Variants in CPNE8 observed in about 807,000 individuals in gnomAD.
CPNE8 encodes the protein copine 8.
CPNE8 carries 45 observed loss-of-function variants against 81.5 expected under a neutral mutation model. The observed-to-expected ratio is 0.55, with a 90% confidence interval of 0.44 to 0.71. The LOEUF is 0.71. Ranked by LOEUF, CPNE8 falls within the 30% of genes least tolerant of loss-of-function variation. CPNE8 has a pLI of 0.00. For missense variants in CPNE8, 594 were observed against 672.1 expected (o/e 0.88, Z 1.28); for synonymous variants, 252 against 226.3 (o/e 1.11, Z -1.02).
At chr12:38,730,072 T>C (rs1940796132) in intron 11 of CPNE8, among the ~76,000 whole-genome samples, 1 of 151,974 alleles carries the variant, frequency 6.6e-6, no homozygotes, top group South Asian at 2.1e-4. Flanking sequence ...AAATGCTTTA[T>C]ACACAAGAAT....
At position 38,687,369 on chromosome 12, in the gene CPNE8, ACTTT is replaced by A. The variant is rs201402238; in HGVS notation, c.1144-1756_1144-1753del. The stretch of plus-strand genomic sequence containing the variant: ...TGCTACCAAATTACGAAATGCCAAG[ACTTT>A]CTTTTTTTTTTTTTTTTTTTTTTTG... On this transcript the variant is annotated intron_variant, in intron 15 of 19. Transcript: ENST00000331366. 1.1e-4 allele frequency among the ~76,000 whole-genome samples: 13 copies of A among 117,692 alleles called. 2 individuals carry two copies. The highest frequency in any genetic ancestry group is 4.0e-4 in the East Asian group (1 of 2,522). 77.2% of individuals were successfully genotyped at this position (117,692 alleles called of 152,430 possible).
chr12:38,837,358 A>C (rs1029091971), intron 5 of CPNE8, among the ~76,000 whole-genome samples: 1 of 152,122 alleles, frequency 6.6e-6, no homozygotes, highest in Non-Finnish European at 1.5e-5. Context: ...AAAAATCATA[A>C]ATTTTAGATC....
At chr12:38,725,214 T>C (rs1467072615) in intron 11 of CPNE8, among the ~76,000 whole-genome samples, 2 of 152,336 alleles carry the variant, frequency 1.3e-5, no homozygotes, top group South Asian at 2.1e-4. Context: ...GATTGCTTTA[T>C]AGAAAAATGA....
rs560075825 is a variant in CPNE8 at position 38,658,027 on chromosome 12, C to G, written c.1507-3957G>C. Reference sequence around the variant, plus strand: ...TCACAGCTCCTTGCCAGTAATGGAACAAAGATGGATGGAGAATGAGTTTGA... The same window carrying G: ...TCACAGCTCCTTGCCAGTAATGGAAGAAAGATGGATGGAGAATGAGTTTGA... On this transcript the variant is annotated intron_variant, in intron 19 of 19. Transcript: ENST00000331366. 1.3e-4 allele frequency among the ~76,000 whole-genome samples: 20 copies of G among 152,160 alleles called. 1 individual carries two copies. In the South Asian group the frequency reaches 3.7e-3, roughly 28 times the overall value.
Position 38,698,207 on chromosome 12 carries a change from C to A in CPNE8, c.962-4369G>T, listed in dbSNP as rs113244917. Among the ~76,000 whole-genome samples the A allele has an allele frequency of 1.7e-3, 261 of 152,286 alleles. 1 individual carries two copies. Among genetic ancestry groups the A allele is most frequent in the African/African-American group, 6.0e-3 (249 of 41,566 alleles). On this transcript the variant is annotated intron_variant, in intron 14 of 19. Coordinates refer to ENST00000331366, the MANE Select transcript of CPNE8 (RefSeq NM_153634.3). Reference sequence around the variant, plus strand: ...GTTTATAGGCCACTTGTATATCCTTCTTTGGAGAAATATCTATTTAGATCC... The same window carrying A: ...GTTTATAGGCCACTTGTATATCCTTATTTGGAGAAATATCTATTTAGATCC...
intron 6 of CPNE8, among the ~76,000 whole-genome samples, chr12:38,780,416 C>G (rs1942025898): frequency 6.6e-6 from 1 of 152,010 alleles, no homozygotes; most frequent in Non-Finnish European, 1.5e-5. Context: ...ATAAATAGAG[C>G]AGATGCAATG....
At chr12:38,751,213 T>G (rs1387124826) in intron 10 of CPNE8, among the ~76,000 whole-genome samples, 1 of 152,212 alleles carries the variant, frequency 6.6e-6, no homozygotes, top group Admixed American at 6.5e-5. Flanking sequence ...CTTGGGTATG[T>G]CTTTATTAGC....
chr12:38,749,380 C>T (rs1465513802), intron 10 of CPNE8, among the ~76,000 whole-genome samples: 1 of 150,756 alleles, frequency 6.6e-6, no homozygotes, highest in African/African-American at 2.5e-5. Flanking sequence ...TAAATTGGTA[C>T]CAGTAGAGTG....
At chr12:38,792,248 A>C (rs1034484233) in intron 6 of CPNE8, among the ~76,000 whole-genome samples, 1 of 151,366 alleles carries the variant, frequency 6.6e-6, no homozygotes, top group African/African-American at 2.4e-5. Context: ...GCACACATAA[A>C]TAAAATAGAG....
chr12:38,808,851 G>A (rs1049718665), intron 6 of CPNE8, among the ~76,000 whole-genome samples: 14 of 151,970 alleles, frequency 9.2e-5, no homozygotes, highest in African/African-American at 3.4e-4. Context: ...AATGGGCAAA[G>A]TTATAAACAA....
At chr12:38,659,995 C>T (rs1230158961) in intron 19 of CPNE8, among the ~76,000 whole-genome samples, 4 of 152,304 alleles carry the variant, frequency 2.6e-5, no homozygotes, top group Non-Finnish European at 4.4e-5. Flanking sequence ...ACATTCCATG[C>T]TCATGGTTAG....
At chr12:38,799,415 T>C (rs1193569817) in intron 6 of CPNE8, among the ~76,000 whole-genome samples, 1 of 151,882 alleles carries the variant, frequency 6.6e-6, no homozygotes, top group East Asian at 1.9e-4. Flanking sequence ...CTCAACTACA[T>C]GGAAACTGAA....
At chr12:38,673,587 T>A (rs1939226502) in intron 18 of CPNE8, among the ~76,000 whole-genome samples, 1 of 152,134 alleles carries the variant, frequency 6.6e-6, no homozygotes, top group South Asian at 2.1e-4. Flanking sequence ...ACTTTTCTAG[T>A]ACTGGGCCCA....
At chr12:38,741,457 G>C (rs1172552553) in intron 10 of CPNE8, among the ~76,000 whole-genome samples, 1 of 152,158 alleles carries the variant, frequency 6.6e-6, no homozygotes, top group South Asian at 2.1e-4. Context: ...AATAAATGTT[G>C]CTGGGAAACT....
At chr12:38,675,241 T>C (rs1436799786) in intron 18 of CPNE8, among the ~76,000 whole-genome samples, 4 of 152,206 alleles carry the variant, frequency 2.6e-5, no homozygotes, top group Non-Finnish European at 5.9e-5. Flanking sequence ...CTAATGTCTA[T>C]CAACTAGCTA....
rs532600019 is a variant in CPNE8 at position 38,681,196 on chromosome 12, G to A, written c.1272-3642C>T. ...CAAATTACTTAAAATTATTGATGAA[G>A]AATTCTAGATGAATAGAAATTTTTT... On this transcript the variant is annotated intron_variant, in intron 16 of 19. Coordinates refer to ENST00000331366, the MANE Select transcript of CPNE8 (RefSeq NM_153634.3). Among the ~76,000 whole-genome samples, 449 of 152,032 alleles carry A rather than the reference G, an allele frequency of 3.0e-3. 1 individual carries two copies. The highest frequency in any genetic ancestry group is 7.0e-3 in the South Asian group (34 of 4,824).
At chr12:38,682,328 C>G (rs565262129) in intron 16 of CPNE8, among the ~76,000 whole-genome samples, 1 of 152,312 alleles carries the variant, frequency 6.6e-6, no homozygotes, top group African/African-American at 2.4e-5. Flanking sequence ...GAGGCCAAGG[C>G]GGGCGGATCG....
chr12:38,902,265 A>AG (rs1944476692), intron 1 of CPNE8, among the ~76,000 whole-genome samples: 1 of 47,550 alleles, frequency 2.1e-5, no homozygotes, highest in Admixed American at 2.3e-4. Flanking sequence ...AAAAAGAAAG[A>AG]AAGAAAAAGA....
At chr12:38,871,624 T>C (rs1234674158) in intron 3 of CPNE8, among the ~76,000 whole-genome samples, 1 of 152,190 alleles carries the variant, frequency 6.6e-6, no homozygotes, top group Non-Finnish European at 1.5e-5. Flanking sequence ...GGCTGGCTTA[T>C]CCAAGCATGG....
Sources: allele counts gnomAD v4.1 joint callset (sites outside exome capture counted in the v4.1 genomes callset), GRCh38; gene constraint gnomAD v4.1.1; transcripts MANE v1.5; gene names NCBI Gene and HGNC (gene_info 2026-07-23, HGNC 2026-07-21).